Variants in PLXNA4 observed in about 807,000 individuals in gnomAD.
The protein encoded by PLXNA4 is plexin A4.
Under a neutral mutation model 191.8 loss-of-function variants are expected in PLXNA4, and 44 were observed. The ratio of observed to expected loss-of-function variants is 0.23; its 90% CI spans 0.18 to 0.29. The LOEUF (loss-of-function observed/expected upper bound fraction) is 0.29. Ranked by LOEUF, PLXNA4 falls within the 10% of genes least tolerant of loss-of-function variation. The probability of loss-of-function intolerance (pLI) is 1.00; values close to 1 mark genes in which losing one functional copy is unlikely to be tolerated. For synonymous variants in PLXNA4, 1,082 were observed against 1,009.5 expected, an observed-to-expected ratio of 1.07 and a Z score of -1.36; for missense variants, 1,800 against 2,488.8, an observed-to-expected ratio of 0.72 and a Z score of 5.89.
chr7:132,369,513 CA>C (rs752323518), intron 3 of PLXNA4, among the ~76,000 whole-genome samples: 25 of 152,124 alleles, frequency 1.6e-4, no homozygotes, highest in African/African-American at 6.0e-4. Flanking sequence ...TGGAAGAAGC[CA>C]GGGGGGCTGT....
intron 14 of PLXNA4, among the ~76,000 whole-genome samples, chr7:132,192,633 T>A (rs1254459200): frequency 1.3e-5 from 2 of 152,108 alleles, no homozygotes; most frequent in African/African-American, 2.4e-5. Flanking sequence ...GGGCACATGA[T>A]GGCCAGGCAT....
chr7:132,292,062 T>G (rs1248040726), intron 4 of PLXNA4, among the ~76,000 whole-genome samples: 2 of 152,198 alleles, frequency 1.3e-5, no homozygotes, highest in South Asian at 4.1e-4. Context: ...CCCAAAATGC[T>G]GGGATTGCAG....
chr7:132,172,948 C>T (rs183496808), intron 21 of PLXNA4, among the ~76,000 whole-genome samples: 3 of 152,300 alleles, frequency 2.0e-5, no homozygotes, highest in Non-Finnish European at 2.9e-5. Flanking sequence ...CGTCCTACAA[C>T]CCCCGTTTCC....
chr7:132,426,390 C>T (rs1795046854), intron 3 of PLXNA4, among the ~76,000 whole-genome samples: 1 of 152,190 alleles, frequency 6.6e-6, no homozygotes, highest in African/African-American at 2.4e-5. Flanking sequence ...ATTGTCTCCA[C>T]CTCTGTCTGA....
At chr7:132,202,080 C>T (rs2198051) in intron 12 of PLXNA4, among the ~76,000 whole-genome samples, 43,170 of 152,006 alleles carry the variant, frequency 0.28, 6,336 homozygotes, top group Middle Eastern at 0.37. Context: ...TCTCTGGGAC[C>T]CAGTGTCTGC....
chr7:132,382,297 T>C (rs529554656), intron 3 of PLXNA4, among the ~76,000 whole-genome samples: 13 of 152,124 alleles, frequency 8.5e-5, no homozygotes, highest in Admixed American at 6.5e-4. Flanking sequence ...GAGCCCTTCA[T>C]GGTTGTTTGC....
chr7:132,230,604 T>C (rs1798493168), intron 5 of PLXNA4, among the ~76,000 whole-genome samples: 2 of 152,180 alleles, frequency 1.3e-5, no homozygotes, highest in Admixed American at 1.3e-4. Flanking sequence ...GACTTGGAAG[T>C]TAATTTACCA....
intron 3 of PLXNA4, among the ~76,000 whole-genome samples, chr7:132,385,456 A>G (rs927836879): frequency 2.6e-5 from 4 of 152,236 alleles, no homozygotes; most frequent in Non-Finnish European, 5.9e-5. Flanking sequence ...CTCAATATCT[A>G]TGGAGCAGAA....
chr7:132,162,147 C>T (rs1247267846), intron 24 of PLXNA4, among the ~76,000 whole-genome samples: 4 of 152,274 alleles, frequency 2.6e-5, no homozygotes, highest in South Asian at 2.1e-4. Flanking sequence ...TTCCAGGACT[C>T]GTCTGCACGC....
At chr7:132,646,440 G>A (rs965062705) in intron 1 of PLXNA4, among the ~76,000 whole-genome samples, 1 of 152,160 alleles carries the variant, frequency 6.6e-6, no homozygotes, top group Non-Finnish European at 1.5e-5. Context: ...GTGGTATTTG[G>A]AGATGGGGCC....
At chr7:132,557,569 C>G (rs1366975594) in intron 1 of PLXNA4, among the ~76,000 whole-genome samples, 1 of 151,058 alleles carries the variant, frequency 6.6e-6, no homozygotes, top group Non-Finnish European at 1.5e-5. Context: ...AAAGTTTTCA[C>G]CTTTGCAAAA....
intron 3 of PLXNA4, among the ~76,000 whole-genome samples, chr7:132,385,718 A>G (rs536286604): frequency 3.3e-5 from 5 of 152,230 alleles, no homozygotes; most frequent in African/African-American, 1.2e-4. Context: ...GCATGCGCGC[A>G]CACACACGCG....
intron 2 of PLXNA4, among the ~76,000 whole-genome samples, chr7:132,616,125 G>A (rs1803153528): frequency 6.6e-6 from 1 of 152,060 alleles, no homozygotes; most frequent in African/African-American, 2.4e-5. Flanking sequence ...TGGCTCTCCA[G>A]TCCAAGGCTG....
At chr7:132,161,837 C>T (rs1468726855) in intron 24 of PLXNA4, among the ~76,000 whole-genome samples, 3 of 152,152 alleles carry the variant, frequency 2.0e-5, no homozygotes, top group Non-Finnish European at 4.4e-5. Context: ...GTTCCAGGCT[C>T]CCACGTGGGT....
At chr7:132,171,454 C>G (rs7341474) in intron 21 of PLXNA4, among the ~76,000 whole-genome samples, 9,651 of 152,272 alleles carry the variant, frequency 0.063, 434 homozygotes, top group Non-Finnish European at 0.078. Flanking sequence ...TGAAAGCCAA[C>G]TCGGATGTCT....
At chr7:132,400,498 G>A (rs1793940087) in intron 3 of PLXNA4, among the ~76,000 whole-genome samples, 1 of 152,118 alleles carries the variant, frequency 6.6e-6, no homozygotes, top group Non-Finnish European at 1.5e-5. Flanking sequence ...TCTCCTCCCA[G>A]CTATTCAGCA....
At chr7:132,277,791 G>A (rs1252256441) in intron 4 of PLXNA4, among the ~76,000 whole-genome samples, 1 of 152,266 alleles carries the variant, frequency 6.6e-6, no homozygotes, top group Admixed American at 6.5e-5. Flanking sequence ...TCTAAGAAAG[G>A]CCAGATAGCA....
chr7:132,257,805 G>A (rs908316699), intron 4 of PLXNA4, among the ~76,000 whole-genome samples: 3 of 152,314 alleles, frequency 2.0e-5, no homozygotes, highest in Admixed American at 6.5e-5. Flanking sequence ...CATGTTTTCC[G>A]AGGCGTCTTT....
At chr7:132,426,295 G>A (rs1442011448) in intron 3 of PLXNA4, among the ~76,000 whole-genome samples, 3 of 152,226 alleles carry the variant, frequency 2.0e-5, no homozygotes, top group African/African-American at 7.2e-5. Context: ...GGTGATGGGG[G>A]TGGGGGTCCT....
Sources: gnomAD v4.1 joint callset for allele counts (sites outside exome capture counted in the v4.1 genomes callset) on GRCh38, gnomAD v4.1.1 for gene constraint, MANE v1.5 for transcripts, NCBI Gene and HGNC (gene_info 2026-07-23, HGNC 2026-07-21) for gene names.